The following NDST3 variants were observed in gnomAD, a reference collection of about 807,000 sequenced individuals.
NDST3 encodes bifunctional heparan sulfate N-deacetylase/N-sulfotransferase 3.
Under a neutral mutation model 96.1 loss-of-function variants are expected in NDST3, and 58 were observed. The observed-to-expected ratio is 0.60, with a 90% CI of 0.49 to 0.75. The LOEUF is 0.75. NDST3 is among the 30% of genes least tolerant of loss of function. The pLI is 0.00. For synonymous variants in NDST3, 333 were observed against 359.7 expected, an observed-to-expected ratio of 0.93 and a Z score of 0.84; for missense variants, 788 against 1,034.2, an observed-to-expected ratio of 0.76 and a Z score of 3.27.
At position 118,054,182 on chromosome 4, in the gene NDST3, T is replaced by C; in HGVS notation, c.272T>C (p.Leu91Pro). ...TTTGTAGAGAGCCAGTACTCATCTC[T>C]TGGTCAAGACATCATTATGATTCTA... ...LVFVESQYSS[L>P]GQDIIMILES... Residue 91 changes from leucine to proline, a missense_variant, in exon 2 of 14, where the codon CTT becomes CCT. Around this residue, in one of 3 missense-constraint regions of NDST3, gnomAD observed 234 missense variants for 256.9 expected, o/e 0.91. Transcript: ENST00000296499. 6.2e-7 allele frequency: 1 copy of C among 1,613,120 alleles called. No individual in the cohort carries two copies. Among genetic ancestry groups the C allele is most frequent in the Non-Finnish European group, 8.5e-7 (1 of 1,179,414 alleles).
chr4:118,186,984 A>C (rs1737004561), intron 6 of NDST3, among the ~76,000 whole-genome samples: 1 of 152,218 alleles, frequency 6.6e-6, no homozygotes, highest in Non-Finnish European at 1.5e-5. Context: ...GGAGACTACT[A>C]TTATGACCAT....
chr4:118,115,861 A>G (rs565770434), intron 4 of NDST3, among the ~76,000 whole-genome samples: 27 of 152,306 alleles, frequency 1.8e-4, no homozygotes, highest in African/African-American at 6.3e-4. Flanking sequence ...AAGACCAAAT[A>G]CTTTATGGTG....
At chr4:118,247,548 G>C (rs1211343838) in intron 12 of NDST3, among the ~76,000 whole-genome samples, 1 of 151,180 alleles carries the variant, frequency 6.6e-6, no homozygotes, top group Non-Finnish European at 1.5e-5. Flanking sequence ...GTGAAACTCT[G>C]TCTAAAAAAA....
rs530430131 is a variant in NDST3 at position 118,240,817 on chromosome 4, T to A, written c.2289+123T>A. ...GTTTTTCCTCTTTAGTTGTAAATAA[T>A]GAGGCTATGGCAAAGAGAAATAGGC... On this transcript the variant is annotated intron_variant, in intron 11 of 13. Coordinates refer to ENST00000296499, the MANE Select transcript of NDST3 (RefSeq NM_004784.3). 9 of 886,450 alleles carry A rather than the reference T, an allele frequency of 1.0e-5. No individual in the cohort carries two copies. In the African/African-American group the frequency reaches 1.2e-4, roughly 12 times the overall value. 54.9% of individuals were successfully genotyped at this position (886,450 alleles called of 1,614,324 possible). A position where few individuals can be genotyped will look rare whatever the true frequency, so the allele number is the denominator to read the frequency against.
In NDST3 at chr4:118,206,034, G is replaced by A. The variant is rs1353206857; in HGVS notation, c.1540-18457G>A. On this transcript the variant is annotated intron_variant, in intron 6 of 13. Coordinates refer to ENST00000296499, the MANE Select transcript of NDST3 (RefSeq NM_004784.3). Reference sequence around the variant, plus strand: ...TTTTTAGTAGAGACAGGGTTTCACCGTGTTAGCCAGGATGGTCTCGATCTC... The same window carrying A: ...TTTTTAGTAGAGACAGGGTTTCACCATGTTAGCCAGGATGGTCTCGATCTC... Among the ~76,000 whole-genome samples the A allele has an allele frequency of 4.2e-5, 6 of 142,382 alleles. 1 individual carries two copies. Among genetic ancestry groups the A allele is most frequent in the African/African-American group, 7.8e-5 (3 of 38,402 alleles). The allele number at this position is 142,382 out of a possible 152,430, so 93.4% of individuals were successfully genotyped here.
chr4:118,141,145 T>C (rs1733542509), intron 5 of NDST3, among the ~76,000 whole-genome samples: 2 of 152,106 alleles, frequency 1.3e-5, no homozygotes, highest in Admixed American at 6.5e-5. Context: ...GATCATGGCT[T>C]TCATAATAAA....
At position 118,143,572 on chromosome 4, in the gene NDST3, C is replaced by T. The variant is rs567526951; in HGVS notation, c.1427C>T (p.Thr476Ile). The T allele has an allele frequency of 5.0e-6, 8 of 1,607,764 alleles. No individual in the cohort carries two copies. In the Admixed American group the frequency reaches 8.5e-5, roughly 17 times the overall value. Residue 476 changes from threonine to isoleucine, a missense_variant, in exon 6 of 14, where the codon ACC becomes ATC. Coordinates refer to ENST00000296499, the MANE Select transcript of NDST3 (RefSeq NM_004784.3). The part of the protein sequence containing the change: ...HKNIMVLPRQ[T>I]CGLFTHTIFY... ...TTCCTTCAGGTTCTCCCAAGACAAA[C>T]CTGTGGGCTTTTCACTCACACCATT...
At position 118,163,924 on chromosome 4, in the gene NDST3, T is replaced by A. The variant is rs567455583; in HGVS notation, c.1539+20240T>A. Reference sequence around the variant, plus strand: ...GTAATGTAAATTAGTTCAACCATTGTGGAAAGCAGTTTGGCAATTCCTCAA... The same window carrying A: ...GTAATGTAAATTAGTTCAACCATTGAGGAAAGCAGTTTGGCAATTCCTCAA... On this transcript the variant is annotated intron_variant, in intron 6 of 13. Coordinates refer to ENST00000296499, the MANE Select transcript of NDST3 (RefSeq NM_004784.3). Among the ~76,000 whole-genome samples the A allele has an allele frequency of 2.0e-5, 3 of 152,278 alleles. 1 individual carries two copies. In the South Asian group the frequency reaches 6.2e-4, roughly 32 times the overall value.
At chr4:118,160,288 A>G (rs1386629669) in intron 6 of NDST3, among the ~76,000 whole-genome samples, 1 of 152,202 alleles carries the variant, frequency 6.6e-6, no homozygotes, top group Non-Finnish European at 1.5e-5. Context: ...ATAATTGCCA[A>G]CTGAGAATAC....
chr4:118,184,602 T>TACACACACACACACAC (rs562099266), intron 6 of NDST3, among the ~76,000 whole-genome samples: 3 of 138,490 alleles, frequency 2.2e-5, no homozygotes, highest in South Asian at 2.5e-4. Flanking sequence ...TCTCTCTCTC[T>TACACACACACACACAC]ACACACACAC....
chr4:118,220,609 G>A (rs1739476124), intron 6 of NDST3, among the ~76,000 whole-genome samples: 1 of 151,932 alleles, frequency 6.6e-6, no homozygotes. Context: ...GGAACTTAAA[G>A]TAAAATTAAA....
At chr4:118,063,989 G>A (rs1475906247) in intron 2 of NDST3, among the ~76,000 whole-genome samples, 2 of 152,094 alleles carry the variant, frequency 1.3e-5, no homozygotes. Context: ...TAGTTTGATG[G>A]GTTGTATCTA....
intron 1 of NDST3, among the ~76,000 whole-genome samples, chr4:118,042,244 T>C (rs1019981361): frequency 2.0e-5 from 3 of 152,172 alleles, no homozygotes; most frequent in Non-Finnish European, 4.4e-5. Flanking sequence ...TATCTTCTAG[T>C]CCCCAAGACT....
chr4:118,118,708 A>T (rs1156909252), intron 4 of NDST3, among the ~76,000 whole-genome samples: 2 of 152,176 alleles, frequency 1.3e-5, no homozygotes, highest in Non-Finnish European at 2.9e-5. Context: ...CAAATATAGG[A>T]TAATTCAGGG....
At chr4:118,127,042 C>T (rs184390382) in intron 4 of NDST3, among the ~76,000 whole-genome samples, 8 of 146,936 alleles carry the variant, frequency 5.4e-5, no homozygotes, top group South Asian at 2.2e-4. Context: ...ATTCAGATTA[C>T]GAGATTTTTT....
Position 118,202,645 on chromosome 4 carries a change from T to C in NDST3, c.1540-21846T>C, listed in dbSNP as rs139315173. ...TTTGTTGGCATATAGAAAATGCTAC[T>C]GATTTTTATACAATGATTTTGTAAC... On this transcript the variant is annotated intron_variant, in intron 6 of 13. Coordinates refer to ENST00000296499, the MANE Select transcript of NDST3 (RefSeq NM_004784.3). Among the ~76,000 whole-genome samples, 8 of 152,344 alleles carry C rather than the reference T, an allele frequency of 5.3e-5. No individual in the cohort carries two copies. The East Asian group carries it at 1.5e-3, about 29-fold the overall frequency.
intron 6 of NDST3, among the ~76,000 whole-genome samples, chr4:118,215,650 G>C (rs1202410042): frequency 6.6e-6 from 1 of 152,066 alleles, no homozygotes; most frequent in Non-Finnish European, 1.5e-5. Context: ...GAAAATAGAG[G>C]AAAACAGAGG....
chr4:118,205,829 TTTC>T (rs1738401140), intron 6 of NDST3, among the ~76,000 whole-genome samples: 3 of 102,158 alleles, frequency 2.9e-5, no homozygotes, highest in African/African-American at 8.6e-5. Flanking sequence ...CCTATCGGGC[TTTC>T]TTTTTTTTTT....
Position 118,066,309 on chromosome 4 carries a change from T to C in NDST3, c.981+11418T>C, listed in dbSNP as rs1251243291. Reference sequence around the variant, plus strand: ...TATATATTATATATATTATGTATTATATATATTATATATATTATGTATTAT... The same window carrying C: ...TATATATTATATATATTATGTATTACATATATTATATATATTATGTATTAT... On this transcript the variant is annotated intron_variant, in intron 2 of 13. Transcript: ENST00000296499. 6.4e-4 allele frequency among the ~76,000 whole-genome samples: 3 copies of C among 4,672 alleles called. 1 individual carries two copies. Among genetic ancestry groups the C allele is most frequent in the African/African-American group, 7.4e-4 (3 of 4,044 alleles). 3.1% of individuals were successfully genotyped at this position (4,672 alleles called of 152,430 possible). A position where few individuals can be genotyped will look rare whatever the true frequency, so the allele number is the denominator to read the frequency against.
Sources: allele counts gnomAD v4.1 joint callset (sites outside exome capture counted in the v4.1 genomes callset), GRCh38; gene constraint gnomAD v4.1.1; regional missense constraint gnomAD v4.1.1; transcripts MANE v1.5; gene names NCBI Gene and HGNC (gene_info 2026-07-23, HGNC 2026-07-21).